The following KIAA1328 variants were observed in gnomAD, a reference collection of about 807,000 sequenced individuals.
KIAA1328 encodes the protein protein hinderin.
In KIAA1328, 52 loss-of-function variants were observed where a neutral mutation model predicts 68.1. That is an observed-to-expected ratio of 0.76 (90% CI 0.61 to 0.96). KIAA1328 has a LOEUF of 0.96. KIAA1328 is among the 40% of genes least tolerant of loss of function. The pLI is 0.00. For synonymous variants in KIAA1328, 232 were observed against 239.4 expected (o/e 0.97, Z 0.28); for missense variants, 641 against 677.6 (o/e 0.95, Z 0.60).
chr18:36,881,540 C>T (rs1420031217), intron 4 of KIAA1328, among the ~76,000 whole-genome samples: 1 of 152,006 alleles, frequency 6.6e-6, no homozygotes, highest in Non-Finnish European at 1.5e-5. Flanking sequence ...TACCCATCAC[C>T]CCAATCAGTT....
rs780811732 is a variant in KIAA1328, at chr18:36,841,720, G to A, written c.238-2488G>A. On this transcript the variant is annotated intron_variant, in intron 3 of 9. Coordinates refer to ENST00000280020, the MANE Select transcript of KIAA1328 (RefSeq NM_020776.3). Reference sequence around the variant, plus strand: ...AAGCAATATGCAAATGAATGAGCACGTTTTAATAAACCTTTGTTTACAAAA... The same window carrying A: ...AAGCAATATGCAAATGAATGAGCACATTTTAATAAACCTTTGTTTACAAAA... Among the ~76,000 whole-genome samples the A allele has an allele frequency of 3.3e-4, 51 of 152,276 alleles. 1 individual carries two copies. The highest frequency in any genetic ancestry group is 1.2e-3 in the African/African-American group (48 of 41,576).
intron 6 of KIAA1328, among the ~76,000 whole-genome samples, chr18:36,976,454 G>A (rs1370364469): frequency 6.6e-6 from 1 of 151,958 alleles, no homozygotes. Context: ...TAAAATTATT[G>A]CGTTCCTGCT....
At chr18:36,899,718 A>G (rs1383509171) in intron 5 of KIAA1328, among the ~76,000 whole-genome samples, 2 of 151,998 alleles carry the variant, frequency 1.3e-5, no homozygotes, top group African/African-American at 2.4e-5. Context: ...GATCAGTTAA[A>G]TTACATATGT....
chr18:36,849,513 T>C (rs1035303097), intron 4 of KIAA1328, among the ~76,000 whole-genome samples: 3 of 152,060 alleles, frequency 2.0e-5, no homozygotes, highest in Admixed American at 6.6e-5. Flanking sequence ...ACTGGAATTA[T>C]AGAATATGGG....
At chr18:36,885,495 C>G in intron 4 of KIAA1328, 62 bp from the exon 5 acceptor site, 2 of 919,508 alleles carry the variant, frequency 2.2e-6, no homozygotes, top group East Asian at 5.7e-5. Flanking sequence ...TAAACTGCAG[C>G]TGTAGGCACA....
chr18:37,179,215 G>A (rs563428565), intron 9 of KIAA1328, among the ~76,000 whole-genome samples: 40 of 152,258 alleles, frequency 2.6e-4, no homozygotes, highest in African/African-American at 9.1e-4. Context: ...TTACATTTAA[G>A]CCTTTAATCC....
At chr18:37,112,047 C>G (rs1377493632) in intron 7 of KIAA1328, among the ~76,000 whole-genome samples, 1 of 152,208 alleles carries the variant, frequency 6.6e-6, no homozygotes, top group Non-Finnish European at 1.5e-5. Context: ...GTGGAACCTA[C>G]CGCAGCTCAA....
intron 7 of KIAA1328, among the ~76,000 whole-genome samples, chr18:37,076,065 T>TG (rs2056721668): frequency 6.6e-6 from 1 of 152,096 alleles, no homozygotes; most frequent in African/African-American, 2.4e-5. Context: ...TATTCCAAAA[T>TG]TGACCACATA....
chr18:37,031,958 G>A (rs1369760630), intron 6 of KIAA1328, among the ~76,000 whole-genome samples: 1 of 152,040 alleles, frequency 6.6e-6, no homozygotes, highest in African/African-American at 2.4e-5. Context: ...CTTGACTCCA[G>A]GAGTTCAAGA....
At chr18:36,971,544 G>T (rs932068320) in intron 6 of KIAA1328, among the ~76,000 whole-genome samples, 1 of 152,096 alleles carries the variant, frequency 6.6e-6, no homozygotes, top group East Asian at 1.9e-4. Flanking sequence ...CAGGAGAATC[G>T]CTTGAACCCA....
Position 37,160,371 on chromosome 18 carries a change from A to T in KIAA1328, c.1404A>T (p.Arg468Ser). 1 of 1,612,268 alleles carries T rather than the reference A, an allele frequency of 6.2e-7. No homozygotes were observed. The highest frequency in any genetic ancestry group is 8.5e-7 in the Non-Finnish European group (1 of 1,179,106). Reference protein sequence around the residue: ...QWSCQKKDTCRPQRGTVTGVR... With the variant: ...QWSCQKKDTCSPQRGTVTGVR... ...CATGTCAAAAGAAAGATACATGTAG[A>T]CCCCAAAGAGGTAAGTTTAACAACT... The change falls in exon 8 of 10, where the codon AGA (arginine) becomes AGT (serine). Residue 468 changes from arginine (R) to serine (S), a missense_variant. Coordinates refer to ENST00000280020, the MANE Select transcript of KIAA1328 (RefSeq NM_020776.3).
chr18:36,911,062 A>G (rs1423021848), intron 5 of KIAA1328, among the ~76,000 whole-genome samples: 2 of 152,116 alleles, frequency 1.3e-5, no homozygotes, highest in Non-Finnish European at 2.9e-5. Flanking sequence ...CCCACAGATT[A>G]CATTTTACCC....
chr18:37,083,695 A>G (rs1288298068), intron 7 of KIAA1328, among the ~76,000 whole-genome samples: 3 of 152,186 alleles, frequency 2.0e-5, no homozygotes, highest in Non-Finnish European at 4.4e-5. Flanking sequence ...ATTCTTTGAA[A>G]TGTCAGTATG....
At chr18:37,070,438 T>A (rs1403238511) in intron 7 of KIAA1328, among the ~76,000 whole-genome samples, 1 of 152,186 alleles carries the variant, frequency 6.6e-6, no homozygotes, top group Non-Finnish European at 1.5e-5. Flanking sequence ...GATATATCTA[T>A]TTTTCCTATT....
At chr18:37,089,132 G>C (rs917819170) in intron 7 of KIAA1328, among the ~76,000 whole-genome samples, 13 of 151,884 alleles carry the variant, frequency 8.6e-5, no homozygotes, top group African/African-American at 2.9e-4. Context: ...TAATTTCCTA[G>C]GAGGGTGTGG....
intron 6 of KIAA1328, among the ~76,000 whole-genome samples, chr18:36,962,849 G>A (rs759396469): frequency 2.6e-5 from 4 of 152,168 alleles, no homozygotes; most frequent in Non-Finnish European, 5.9e-5. Flanking sequence ...AGCACTAATT[G>A]CCTACAAGAG....
At chr18:36,860,173 G>A (rs1568087723) in intron 4 of KIAA1328, among the ~76,000 whole-genome samples, 1 of 151,996 alleles carries the variant, frequency 6.6e-6, no homozygotes, top group Non-Finnish European at 1.5e-5. Flanking sequence ...AAAAAATCTT[G>A]GAACTTGCTT....
chr18:37,063,743 C>A, intron 6 of KIAA1328: 1 of 818,024 alleles, frequency 1.2e-6, no homozygotes, highest in Non-Finnish European at 1.5e-6. Context: ...TAATTTATTC[C>A]AAATACTTGA....
In KIAA1328 at chr18:36,886,585, TTAAAA is replaced by T. The variant is rs759559481; in HGVS notation, c.448+917_448+921del. Among the ~76,000 whole-genome samples the T allele has an allele frequency of 2.0e-5, 3 of 152,068 alleles. No individual in the cohort carries two copies. The East Asian group carries it at 5.8e-4, about 29-fold the overall frequency. Reference sequence around the variant, plus strand: ...AGTAAAAACATATTTTAGGGGTGTGTTAAAATAAGCTATTTCTGAATTTTCTTTTG... The same window carrying T: ...AGTAAAAACATATTTTAGGGGTGTGTTAAGCTATTTCTGAATTTTCTTTTG... On this transcript the variant is annotated intron_variant, in intron 5 of 9. Transcript: ENST00000280020.
Sources: allele counts gnomAD v4.1 joint callset (sites outside exome capture counted in the v4.1 genomes callset), GRCh38; gene constraint gnomAD v4.1.1; transcripts MANE v1.5; gene names NCBI Gene and HGNC (gene_info 2026-07-23, HGNC 2026-07-21).